The following FGF14 variants were observed in gnomAD, a reference collection of about 807,000 sequenced individuals.
FGF14 encodes fibroblast growth factor 14, also known as fibroblast growth factor homologous factor 4.
FGF14 carries 5 observed loss-of-function variants against 25.5 expected under a neutral mutation model. That is an observed-to-expected ratio of 0.20 (90% CI 0.10 to 0.41). The LOEUF is 0.41. Ranked by LOEUF, FGF14 falls within the 10% of genes least tolerant of loss-of-function variation. FGF14 has a pLI of 1.00. For missense variants in FGF14, 222 were observed against 320.1 expected (o/e 0.69, Z 2.34); for synonymous variants, 138 against 118.3 (o/e 1.17, Z -1.08).
chr13:101,918,958 A>G (rs72662437), upstream of FGF14, among the ~76,000 whole-genome samples: 14,380 of 152,264 alleles, frequency 0.094, 965 homozygotes, highest in Middle Eastern at 0.19. Flanking sequence ...CACTCATAAA[A>G]TAGCAAAAGT....
rs980328458 is a variant in FGF14 at position 101,722,469 on chromosome 13, C to T, written c.*362G>A. On this transcript the variant is annotated 3_prime_UTR_variant, in exon 5 of 5. Coordinates refer to ENST00000376143, the MANE Select transcript of FGF14 (RefSeq NM_004115.4). ...AAATTGAACTTAAACACATAGATTT[C>T]GCTGAAACAGGACTCAAAAAGGATT... 20 of 336,684 alleles carry T rather than the reference C, an allele frequency of 5.9e-5. No individual in the cohort carries two copies. The highest frequency in any genetic ancestry group is 2.8e-4 in the African/African-American group (13 of 46,950). The allele number at this position is 336,684 out of a possible 1,614,324, so 20.9% of individuals were successfully genotyped here.
chr13:102,346,069 A>G (rs2057096612), intron 1 of FGF14, among the ~76,000 whole-genome samples: 1 of 152,228 alleles, frequency 6.6e-6, no homozygotes, highest in South Asian at 2.1e-4. Flanking sequence ...GTAGTAACAC[A>G]CAGATTCAAA....
At chr13:102,256,324 C>T (rs1243258181) in intron 1 of FGF14, among the ~76,000 whole-genome samples, 1 of 151,664 alleles carries the variant, frequency 6.6e-6, no homozygotes, top group African/African-American at 2.4e-5. Flanking sequence ...TAGACCCCAT[C>T]TCTACAAAAA....
chr13:101,764,120 G>A (rs538101869), intron 3 of FGF14, among the ~76,000 whole-genome samples: 4 of 152,254 alleles, frequency 2.6e-5, no homozygotes, highest in East Asian at 1.9e-4. Context: ...GTTAAGAATT[G>A]TTGGCACTGA....
At chr13:102,102,758 A>G (rs679126) in intron 1 of FGF14, among the ~76,000 whole-genome samples, 147,935 of 152,280 alleles carry the variant, frequency 0.97, 71,893 homozygotes, top group East Asian at 1. Context: ...TAACTAAAAC[A>G]GGTATGATTC....
chr13:102,327,363 T>C (rs950016174), intron 1 of FGF14, among the ~76,000 whole-genome samples: 6 of 152,234 alleles, frequency 3.9e-5, no homozygotes, highest in African/African-American at 1.4e-4. Flanking sequence ...CACTAATTAT[T>C]ATTGTTATCT....
chr13:102,309,664 A>T (rs2055624305), intron 1 of FGF14, among the ~76,000 whole-genome samples: 1 of 152,246 alleles, frequency 6.6e-6, no homozygotes, highest in African/African-American at 2.4e-5. Context: ...TTTAATAAAC[A>T]ATATGCTAAA....
chr13:101,723,119 A>G, intron 4 of FGF14, 152 bp from the exon 5 acceptor site: 1 of 895,176 alleles, frequency 1.1e-6, no homozygotes, highest in Admixed American at 1.9e-5. Context: ...CCTGTTGTAA[A>G]GCAATCATTT....
intron 1 of FGF14, among the ~76,000 whole-genome samples, chr13:101,955,557 G>A (rs925358778): frequency 5.3e-5 from 8 of 152,204 alleles, no homozygotes; most frequent in Non-Finnish European, 1.0e-4. Context: ...AAAATGCATA[G>A]GTAGGTAGGT....
At chr13:102,044,360 T>TA (rs35773516) in intron 1 of FGF14, among the ~76,000 whole-genome samples, 5,821 of 146,668 alleles carry the variant, frequency 0.04, 161 homozygotes, top group African/African-American at 0.087. Flanking sequence ...ATTGCAATGA[T>TA]AAAAAAAAAA....
intron 1 of FGF14, among the ~76,000 whole-genome samples, chr13:102,010,960 C>G (rs999416832): frequency 1.3e-5 from 2 of 152,080 alleles, no homozygotes; most frequent in African/African-American, 4.8e-5. Context: ...CTACATAAAT[C>G]AGAATATGCT....
intron 4 of FGF14, among the ~76,000 whole-genome samples, chr13:101,724,600 ATATATATAT>A (rs1566819940): frequency 9.2e-4 from 5 of 5,430 alleles, no homozygotes; most frequent in African/African-American, 3.6e-3. Context: ...ATAATAAAAT[ATATATATAT>A]ATATATATAT....
chr13:102,366,458 G>A (rs2057715282), intron 1 of FGF14: 1 of 151,858 alleles, frequency 6.6e-6, no homozygotes, highest in Non-Finnish European at 1.5e-5. Flanking sequence ...AAATGCTAAG[G>A]CATGGTATTC....
intron 3 of FGF14, among the ~76,000 whole-genome samples, chr13:101,761,356 G>T (rs2038017485): frequency 6.6e-6 from 1 of 152,136 alleles, no homozygotes; most frequent in African/African-American, 2.4e-5. Flanking sequence ...GGAAAACTCA[G>T]ATGAGAAAGT....
intron 1 of FGF14, among the ~76,000 whole-genome samples, chr13:102,283,418 A>G (rs1835513498): frequency 6.6e-6 from 1 of 152,224 alleles, no homozygotes; most frequent in South Asian, 2.1e-4. Context: ...CTTCTGGTAC[A>G]TGCTGGGCTA....
chr13:101,746,493 C>A (rs2139813550), intron 3 of FGF14, among the ~76,000 whole-genome samples: 1 of 152,104 alleles, frequency 6.6e-6, no homozygotes, highest in African/African-American at 2.4e-5. Context: ...AGTACTCATG[C>A]AATGTCGAAT....
intron 1 of FGF14, among the ~76,000 whole-genome samples, chr13:102,312,375 T>C (rs1384694299): frequency 6.6e-6 from 1 of 152,186 alleles, no homozygotes; most frequent in East Asian, 1.9e-4. Flanking sequence ...ATTTACAGCG[T>C]TGTCTTTCAT....
chr13:102,184,848 C>T (rs1287174147), intron 1 of FGF14, among the ~76,000 whole-genome samples: 1 of 152,102 alleles, frequency 6.6e-6, no homozygotes, highest in Non-Finnish European at 1.5e-5. Context: ...TAGAAACTAC[C>T]ATATGCCAAA....
intron 1 of FGF14, among the ~76,000 whole-genome samples, chr13:102,072,890 T>C (rs145335289): frequency 5.6e-4 from 85 of 152,264 alleles, no homozygotes; most frequent in African/African-American, 2.0e-3. Flanking sequence ...AGAATGGCAA[T>C]AGAAAGTGGT....
Sources: allele counts gnomAD v4.1 joint callset (sites outside exome capture counted in the v4.1 genomes callset), GRCh38; gene constraint gnomAD v4.1.1; transcripts MANE v1.5; gene names NCBI Gene and HGNC (gene_info 2026-07-23, HGNC 2026-07-21).